The following MAOB variants were observed in gnomAD, a reference collection of about 807,000 sequenced individuals.
MAOB encodes the protein amine oxidase [flavin-containing] B.
Under a neutral mutation model 41.9 loss-of-function variants are expected in MAOB, and 15 were observed. That is an observed-to-expected ratio of 0.36 (90% CI 0.24 to 0.55). MAOB has a LOEUF of 0.55. Ranked by LOEUF, MAOB falls within the 20% of genes least tolerant of loss-of-function variation. MAOB has a pLI of 0.86. For missense variants in MAOB, 345 were observed against 398.7 expected, an observed-to-expected ratio of 0.87 and a Z score of 1.15; for synonymous variants, 167 against 144.2, an observed-to-expected ratio of 1.16 and a Z score of -1.13.
chrX:43,774,876 G>A (rs1228400453), intron 12 of MAOB, among the ~76,000 whole-genome samples: 2 of 111,377 alleles, frequency 1.8e-5, no homozygotes, highest in Non-Finnish European at 3.8e-5. Flanking sequence ...CATGCAATGC[G>A]TAATAATCAT....
chrX:43,802,161 G>C lies in MAOB; in HGVS notation c.476+11C>G, dbSNP rs1354388006. The C allele has an allele frequency of 3.3e-6, 4 of 1,195,086 alleles. No individual in the cohort carries two copies. The Admixed American group carries it at 8.8e-5, about 26-fold the overall frequency. On this transcript the variant is annotated intron_variant, in intron 5 of 14. Coordinates refer to ENST00000378069, the MANE Select transcript of MAOB (RefSeq NM_000898.5). ...TCACAGTAAATGCCTGTGCCTAATG[G>C]CAAGACTTACTCAGTCCAGCAGAGC... is the stretch of plus-strand genomic sequence containing the variant.
intron 5 of MAOB, among the ~76,000 whole-genome samples, chrX:43,800,608 T>A (rs1367848793): frequency 1.8e-5 from 2 of 111,330 alleles, no homozygotes; most frequent in East Asian, 5.6e-4. Flanking sequence ...TATAGAGTAT[T>A]GTATAATGAT....
At chrX:43,874,376 C>T (rs1405536517) in intron 1 of MAOB, among the ~76,000 whole-genome samples, 1 of 111,314 alleles carries the variant, frequency 9.0e-6, no homozygotes, top group Non-Finnish European at 1.9e-5. Flanking sequence ...CTCTTGAAAC[C>T]TCCCTTGGGC....
intron 1 of MAOB, among the ~76,000 whole-genome samples, chrX:43,846,297 G>A (rs1252591245): frequency 8.9e-6 from 1 of 112,113 alleles, no homozygotes; most frequent in South Asian, 3.7e-4. Flanking sequence ...AAAAGGTACC[G>A]TCTTTTAGTA....
chrX:43,792,548 C>G (rs749850026), intron 8 of MAOB, among the ~76,000 whole-genome samples: 1 of 111,867 alleles, frequency 8.9e-6, no homozygotes, highest in Non-Finnish European at 1.9e-5. Flanking sequence ...AGACACTTCT[C>G]AAAAGAAGAC....
chrX:43,850,530 T>G (rs907903119), intron 1 of MAOB: 19 of 700,717 alleles, frequency 2.7e-5, no homozygotes, highest in Non-Finnish European at 3.2e-5. Context: ...TTGGGGAAAA[T>G]CTAAACAACA....
At chrX:43,793,684 A>C (rs2034490231) in intron 7 of MAOB, 106 bp from the exon 8 acceptor site, 3 of 702,087 alleles carry the variant, frequency 4.3e-6, no homozygotes, top group Non-Finnish European at 6.3e-6. Context: ...TCTCTTAAAG[A>C]AGTGACAAGG....
chrX:43,800,746 A>G (rs1314015444), intron 5 of MAOB, among the ~76,000 whole-genome samples: 1 of 111,916 alleles, frequency 8.9e-6, no homozygotes, highest in African/African-American at 3.2e-5. Context: ...ATTTTTAATG[A>G]TGTAAAGTTT....
intron 1 of MAOB, among the ~76,000 whole-genome samples, chrX:43,861,428 A>G (rs2035331526): frequency 8.9e-6 from 1 of 112,581 alleles, no homozygotes; most frequent in African/African-American, 3.2e-5. Flanking sequence ...TCTGTTCCAA[A>G]TGTTTCTTTA....
intron 9 of MAOB, 73 bp downstream of exon 9, chrX:43,781,375 G>T: frequency 3.5e-6 from 2 of 570,872 alleles, no homozygotes; most frequent in Non-Finnish European, 5.1e-6. Flanking sequence ...AAAGTTTGGG[G>T]CACATTTGTT....
At chrX:43,772,112 A>G (rs1045707815) in intron 12 of MAOB, among the ~76,000 whole-genome samples, 10 of 111,789 alleles carry the variant, frequency 8.9e-5, no homozygotes, top group African/African-American at 2.9e-4. Context: ...TGTACTGTGA[A>G]CTTTCAGGGC....
At chrX:43,841,611 T>C (rs1404915940) in intron 2 of MAOB, among the ~76,000 whole-genome samples, 7 of 111,802 alleles carry the variant, frequency 6.3e-5, no homozygotes, top group Non-Finnish European at 3.8e-5. Flanking sequence ...AACAATCTTG[T>C]ACAAAAAGAA....
chrX:43,778,825 A>G, intron 10 of MAOB, 86 bp from the exon 11 acceptor site: 1 of 693,901 alleles, frequency 1.4e-6, no homozygotes, highest in Non-Finnish European at 2.2e-6. Context: ...TCCCCTCATA[A>G]AAAAGATTCC....
Position 43,780,385 on chromosome X carries a change from C to G in MAOB, c.1036G>C (p.Ala346Pro). The G allele has an allele frequency of 2.5e-6, 3 of 1,195,809 alleles. No individual in the cohort carries two copies. Among genetic ancestry groups the G allele is most frequent in the Non-Finnish European group, 3.4e-6 (3 of 882,834 alleles). The change falls in exon 10 of 15, where the codon GCC (alanine) becomes CCC (proline). Residue 346 changes from alanine (A) to proline (P), a missense_variant. Ala to Pro is a conservative substitution (Grantham distance 27). Transcript: ENST00000378069. The part of the protein sequence containing the change: ...NYAAIMGFIL[A>P]HKARKLARLT... ...CGTGCCAGTTTTCTGGCTTTGTGGGCCAGGATAAATCTAAAGAATATAAAC... is the reference window on the plus strand; with the variant it reads ...CGTGCCAGTTTTCTGGCTTTGTGGGGCAGGATAAATCTAAAGAATATAAAC...
At chrX:43,802,461 C>T (rs3027461) in intron 4 of MAOB, among the ~76,000 whole-genome samples, 198 bp from the exon 5 acceptor site, 2,296 of 111,663 alleles carry the variant, frequency 0.021, 61 homozygotes, top group South Asian at 0.18. Flanking sequence ...TGTAGCTTTC[C>T]TATTATAAAT....
intron 1 of MAOB, among the ~76,000 whole-genome samples, chrX:43,877,695 G>A (rs980777534): frequency 8.9e-6 from 1 of 112,275 alleles, no homozygotes; most frequent in African/African-American, 3.2e-5. Context: ...AGGTTGAGGT[G>A]AGGCTGAAGT....
intron 2 of MAOB, among the ~76,000 whole-genome samples, chrX:43,842,294 A>T (rs2035146064): frequency 8.9e-6 from 1 of 112,406 alleles, no homozygotes; most frequent in Admixed American, 9.4e-5. Flanking sequence ...AATGGCCAAC[A>T]GGTTCATGGA....
intron 3 of MAOB, among the ~76,000 whole-genome samples, chrX:43,803,999 T>G (rs1306069913): frequency 9.0e-6 from 1 of 111,513 alleles, no homozygotes; most frequent in Non-Finnish European, 1.9e-5. Flanking sequence ...ACCACCTGGT[T>G]CTTCCCACAG....
rs374853172 is a variant in MAOB at position 43,802,159 on chromosome X, T to C, written c.476+13A>G. 2.5e-5 allele frequency: 30 copies of C among 1,187,457 alleles called. No individual in the cohort carries two copies. In the African/African-American group the frequency reaches 4.9e-4, roughly 19 times the overall value. On this transcript the variant is annotated intron_variant, in intron 5 of 14. Coordinates refer to ENST00000378069, the MANE Select transcript of MAOB (RefSeq NM_000898.5). ...GGTCACAGTAAATGCCTGTGCCTAA[T>C]GGCAAGACTTACTCAGTCCAGCAGA...
Sources: allele counts gnomAD v4.1 joint callset (sites outside exome capture counted in the v4.1 genomes callset), GRCh38; gene constraint gnomAD v4.1.1; transcripts MANE v1.5; gene names NCBI Gene and HGNC (gene_info 2026-07-23, HGNC 2026-07-21).